The following LGR4 variants were observed in gnomAD, a reference collection of about 807,000 sequenced individuals.
The protein encoded by LGR4 is leucine-rich repeat-containing G protein-coupled receptor 4.
A neutral mutation model predicts 84.8 loss-of-function variants in LGR4; 44 were observed. The observed-to-expected ratio is 0.52, with a 90% CI of 0.41 to 0.67. The LOEUF (loss-of-function observed/expected upper bound fraction) is 0.67. LGR4 is among the 30% of genes least tolerant of loss of function. The pLI is 0.00. For missense variants in LGR4, 1,032 were observed against 1,131.4 expected (o/e 0.91, Z 1.26); for synonymous variants, 429 against 434.3 (o/e 0.99, Z 0.15).
intron 1 of LGR4, among the ~76,000 whole-genome samples, chr11:27,461,670 A>G (rs1864684271): frequency 6.6e-6 from 1 of 150,554 alleles, no homozygotes; most frequent in Non-Finnish European, 1.5e-5. Context: ...TGTTACCGTT[A>G]GTATATTTTA....
At chr11:27,415,753 A>G (rs538093099) in intron 1 of LGR4, among the ~76,000 whole-genome samples, 1 of 152,230 alleles carries the variant, frequency 6.6e-6, no homozygotes, top group East Asian at 1.9e-4. Flanking sequence ...GTGGTGAGCT[A>G]CAAGATGTTA....
chr11:27,459,586 C>T (rs1864643026), intron 1 of LGR4, among the ~76,000 whole-genome samples: 1 of 151,828 alleles, frequency 6.6e-6, no homozygotes, highest in East Asian at 1.9e-4. Flanking sequence ...AAGTGATTCT[C>T]CTGCCTCATC....
intron 4 of LGR4, among the ~76,000 whole-genome samples, chr11:27,389,208 C>A (rs1211783220): frequency 6.6e-6 from 1 of 152,030 alleles, no homozygotes; most frequent in Non-Finnish European, 1.5e-5. Flanking sequence ...ACCACTGCAC[C>A]CACTCTACTA....
At chr11:27,468,528 T>C (rs1015423681) in intron 1 of LGR4, among the ~76,000 whole-genome samples, 1 of 152,308 alleles carries the variant, frequency 6.6e-6, no homozygotes, top group Admixed American at 6.5e-5. Context: ...TAAAAGGATA[T>C]TCTGCTACTC....
At chr11:27,385,681 T>C (rs1337538162) in intron 4 of LGR4, 2 of 395,558 alleles carry the variant, frequency 5.1e-6, no homozygotes, top group South Asian at 1.1e-4. Flanking sequence ...GAATGGCATG[T>C]ATCCAAATCT....
intron 2 of LGR4, among the ~76,000 whole-genome samples, chr11:27,400,788 C>G (rs183875613): frequency 1.3e-5 from 2 of 152,112 alleles, no homozygotes; most frequent in Non-Finnish European, 2.9e-5. Flanking sequence ...TGAGCCACCG[C>G]GCCTGGCCTG....
At chr11:27,428,037 GC>G (rs1864054023) in intron 1 of LGR4, among the ~76,000 whole-genome samples, 1 of 152,036 alleles carries the variant, frequency 6.6e-6, no homozygotes, top group Non-Finnish European at 1.5e-5. Context: ...ATATTTTCTT[GC>G]CCTGTTTGGC....
chr11:27,460,129 C>T (rs1864655902), intron 1 of LGR4, among the ~76,000 whole-genome samples: 1 of 152,114 alleles, frequency 6.6e-6, no homozygotes, highest in Non-Finnish European at 1.5e-5. Context: ...TTAACTTACC[C>T]TTCTATTTCA....
intron 1 of LGR4, among the ~76,000 whole-genome samples, chr11:27,438,968 A>G (rs188399700): frequency 3.3e-5 from 5 of 152,230 alleles, no homozygotes; most frequent in African/African-American, 9.6e-5. Context: ...TACTGGTCCT[A>G]TTTCTTTGGA....
chr11:27,393,012 A>G, intron 2 of LGR4, among the ~76,000 whole-genome samples: 1 of 152,214 alleles, frequency 6.6e-6, no homozygotes, highest in Admixed American at 6.5e-5. Context: ...AGTGTGAGTC[A>G]TTGAAAGCAT....
intron 2 of LGR4, among the ~76,000 whole-genome samples, chr11:27,400,989 T>G (rs997846011): frequency 6.6e-6 from 1 of 152,210 alleles, no homozygotes; most frequent in African/African-American, 2.4e-5. Flanking sequence ...ACTACCCCAT[T>G]TCTTCACATA....
At chr11:27,378,813 T>C (rs779155226) in intron 10 of LGR4, 45 bp from the exon 11 acceptor site, 7 of 1,391,608 alleles carry the variant, frequency 5.0e-6, no homozygotes, top group Non-Finnish European at 7.1e-6. Flanking sequence ...CAACTCAAGA[T>C]AGTAAGCAAA....
At chr11:27,391,251 T>TTTC (rs1491405807) in intron 3 of LGR4, 86 bp from the exon 4 acceptor site, 17 of 414,878 alleles carry the variant, frequency 4.1e-5, no homozygotes, top group African/African-American at 3.9e-4. Flanking sequence ...TTTTTTTTTT[T>TTTC]CAAAAAATAT....
intron 2 of LGR4, among the ~76,000 whole-genome samples, chr11:27,401,172 A>G (rs977818557): frequency 6.6e-6 from 1 of 152,234 alleles, no homozygotes; most frequent in African/African-American, 2.4e-5. Context: ...ATTTCATATT[A>G]TATATTTCCA....
chr11:27,414,500 C>T (rs1376336361), intron 1 of LGR4, among the ~76,000 whole-genome samples: 2 of 151,942 alleles, frequency 1.3e-5, no homozygotes, highest in African/African-American at 4.8e-5. Flanking sequence ...AAGAAATTTC[C>T]CTTTAGATGA....
chr11:27,433,444 G>A (rs1864150841), intron 1 of LGR4, among the ~76,000 whole-genome samples: 1 of 150,352 alleles, frequency 6.7e-6, no homozygotes, highest in African/African-American at 2.5e-5. Flanking sequence ...TGTTAGCCAG[G>A]ATGGTCTCCA....
chr11:27,420,159 GA>G (rs1198845561), intron 1 of LGR4, among the ~76,000 whole-genome samples: 1 of 151,564 alleles, frequency 6.6e-6, no homozygotes, highest in Admixed American at 6.6e-5. Context: ...TTCCCCCTCA[GA>G]AAAAAAATAA....
At chr11:27,369,499 T>C (rs1862841510) in intron 17 of LGR4, among the ~76,000 whole-genome samples, 1 of 152,188 alleles carries the variant, frequency 6.6e-6, no homozygotes, top group South Asian at 2.1e-4. Context: ...ACTGAGGGTC[T>C]GGAATGAGAT....
At chr11:27,442,279 C>A (rs940203086) in intron 1 of LGR4, among the ~76,000 whole-genome samples, 7 of 152,112 alleles carry the variant, frequency 4.6e-5, no homozygotes, top group Non-Finnish European at 7.4e-5. Flanking sequence ...TGTGGGAGGT[C>A]TACAAATAGA....
Sources: gnomAD v4.1 joint callset for allele counts (sites outside exome capture counted in the v4.1 genomes callset) on GRCh38, gnomAD v4.1.1 for gene constraint, MANE v1.5 for transcripts, NCBI Gene and HGNC (gene_info 2026-07-23, HGNC 2026-07-21) for gene names.